The following MYO1E variants were observed in gnomAD, a reference collection of about 807,000 sequenced individuals.
MYO1E encodes the protein unconventional myosin-Ie.
MYO1E carries 68 observed loss-of-function variants against 151.1 expected under a neutral mutation model. The observed-to-expected ratio is 0.45, with a 90% CI of 0.37 to 0.55. The LOEUF is 0.55. MYO1E is among the 20% of genes least tolerant of loss of function. The pLI is 0.00. For missense variants in MYO1E, 1,363 were observed against 1,389.3 expected, an observed-to-expected ratio of 0.98 and a Z score of 0.30; for synonymous variants, 601 against 501.7, an observed-to-expected ratio of 1.20 and a Z score of -2.64.
At chr15:59,212,216 A>G (rs750186758) in intron 12 of MYO1E, among the ~76,000 whole-genome samples, 17 of 152,102 alleles carry the variant, frequency 1.1e-4, no homozygotes, top group Admixed American at 6.5e-4. Flanking sequence ...GAAACTACCA[A>G]ACCAGTTAGG....
intron 8 of MYO1E, 47 bp from the exon 9 acceptor site, chr15:59,223,238 T>TA (rs1474255347): frequency 6.2e-7 from 1 of 1,611,452 alleles, no homozygotes; most frequent in Non-Finnish European, 8.5e-7. Context: ...TCACCAGCTT[T>TA]AAAAGCACCT....
Position 59,372,741 on chromosome 15 carries a change from CA to C in MYO1E, c.-242del. 1.8e-6 allele frequency: 1 copy of C among 563,512 alleles called. No homozygotes were observed. The highest frequency in any genetic ancestry group is 3.2e-5 in the East Asian group (1 of 31,714). The allele number at this position is 563,512 out of a possible 1,614,324, so 34.9% of individuals were successfully genotyped here. On this transcript the variant is annotated 5_prime_UTR_variant, in exon 1 of 28. Transcript: ENST00000288235. ...CAGGCGGGGCGCATGCTGCGGAGGG[CA>C]AGAGTCCACTCGTACTCGCCGGTCG...
chr15:59,190,705 T>C (rs970507615), intron 17 of MYO1E, among the ~76,000 whole-genome samples: 1 of 152,240 alleles, frequency 6.6e-6, no homozygotes, highest in Non-Finnish European at 1.5e-5. Context: ...AATGGTGGCA[T>C]AAATTCTTTA....
intron 26 of MYO1E, among the ~76,000 whole-genome samples, chr15:59,142,342 G>A (rs1465329184): frequency 6.6e-6 from 1 of 152,142 alleles, no homozygotes; most frequent in Non-Finnish European, 1.5e-5. Flanking sequence ...TGGGGGCTTA[G>A]ATACAGGGTC....
At chr15:59,315,049 C>T (rs2054717) in intron 1 of MYO1E, among the ~76,000 whole-genome samples, 114,834 of 152,014 alleles carry the variant, frequency 0.76, 43,693 homozygotes, top group Middle Eastern at 0.8. Context: ...CAAATAAATA[C>T]ATCTCCAGGC....
At chr15:59,209,027 G>T in intron 13 of MYO1E, 179 bp from the exon 14 acceptor site, 1 of 732,034 alleles carries the variant, frequency 1.4e-6, no homozygotes, top group Non-Finnish European at 2.3e-6. Context: ...TCACCACTTA[G>T]ATCTAAAGAG....
chr15:59,290,052 G>A (rs191562831), intron 1 of MYO1E, among the ~76,000 whole-genome samples: 190 of 152,284 alleles, frequency 1.2e-3, no homozygotes, highest in African/African-American at 4.4e-3. Flanking sequence ...GGTGCTTTGC[G>A]TACATTGTTT....
At chr15:59,252,656 A>T (rs1159583033) in intron 4 of MYO1E, among the ~76,000 whole-genome samples, 1 of 149,084 alleles carries the variant, frequency 6.7e-6, no homozygotes, top group Non-Finnish European at 1.5e-5. Flanking sequence ...CGGAGGTTGC[A>T]ATGAGCCAAG....
intron 9 of MYO1E, among the ~76,000 whole-genome samples, chr15:59,220,022 G>T (rs967448429): frequency 6.6e-6 from 1 of 152,236 alleles, no homozygotes; most frequent in Non-Finnish European, 1.5e-5. Flanking sequence ...TCGGGTTGTT[G>T]TGAGAATCAA....
chr15:59,243,213 G>T (rs2080110541), intron 4 of MYO1E, among the ~76,000 whole-genome samples: 1 of 143,106 alleles, frequency 7.0e-6, no homozygotes, highest in South Asian at 2.3e-4. Flanking sequence ...ACCAATTTTT[G>T]TAATTCTAGA....
chr15:59,140,504 A>G (rs2079402670), intron 26 of MYO1E, among the ~76,000 whole-genome samples: 1 of 152,232 alleles, frequency 6.6e-6, no homozygotes, highest in African/African-American at 2.4e-5. Flanking sequence ...TTTCTCCCTC[A>G]AGAAGTTGGG....
chr15:59,217,761 G>T, intron 10 of MYO1E, 130 bp downstream of exon 10: 1 of 1,026,898 alleles, frequency 9.7e-7, no homozygotes, highest in Non-Finnish European at 1.5e-6. Flanking sequence ...CTCCTGGGCT[G>T]CAGTGATCCT....
chr15:59,232,483 A>G (rs1243074599), intron 5 of MYO1E, among the ~76,000 whole-genome samples: 1 of 152,236 alleles, frequency 6.6e-6, no homozygotes, highest in Non-Finnish European at 1.5e-5. Context: ...CCTGGGGGGA[A>G]GGATTTGTTT....
At chr15:59,328,079 T>C (rs2080676379) in intron 1 of MYO1E, among the ~76,000 whole-genome samples, 2 of 152,124 alleles carry the variant, frequency 1.3e-5, no homozygotes, top group Admixed American at 1.3e-4. Context: ...CAAAGCTCCA[T>C]GGTGGGGGGG....
intron 1 of MYO1E, among the ~76,000 whole-genome samples, chr15:59,372,108 G>A (rs1159704413): frequency 1.3e-5 from 2 of 150,724 alleles, no homozygotes; most frequent in South Asian, 2.1e-4. Context: ...GCCGCCAGCG[G>A]CTGCGGCGCG....
In MYO1E at chr15:59,350,079, T is replaced by G. The variant is rs2140434234; in HGVS notation, c.3+22419A>C. Among the ~76,000 whole-genome samples the G allele has an allele frequency of 6.6e-6, 1 of 152,356 alleles. No homozygotes were observed. The highest frequency in any genetic ancestry group is 6.5e-5 in the Admixed American group (1 of 15,304). ...TGGTATCTAAGGCATTTTATAATTT[T>G]CTTATTAATTGTCAATACATCACCA... On this transcript the variant is annotated intron_variant, in intron 1 of 27. Coordinates refer to ENST00000288235, the MANE Select transcript of MYO1E (RefSeq NM_004998.4). This position sits in a 1 kb window ranked among gnomAD's most constrained non-coding sequence, Gnocchi z 5.0.
rs2079357013 is a variant in MYO1E at position 59,133,773 on chromosome 15, C to T, written c.*3607G>A. On this transcript the variant is annotated 3_prime_UTR_variant, in exon 28 of 28. Coordinates refer to ENST00000288235, the MANE Select transcript of MYO1E (RefSeq NM_004998.4). ...CCCTGGAAACCAGAATCCAGCCCTA[C>T]TGCCAGTGAAATCTTAACTGGGACA... 6.6e-6 allele frequency: 1 copy of T among 152,248 alleles called. No homozygotes were observed. The highest frequency in any genetic ancestry group is 1.5e-5 in the Non-Finnish European group (1 of 68,078). 9.4% of individuals were successfully genotyped at this position (152,248 alleles called of 1,614,324 possible).
At chr15:59,282,305 A>C in intron 1 of MYO1E, among the ~76,000 whole-genome samples, 1 of 152,120 alleles carries the variant, frequency 6.6e-6, no homozygotes, top group East Asian at 1.9e-4. Context: ...AGGGCTCCCA[A>C]GCCCCCTGCT....
At chr15:59,158,630 G>C (rs2079521373) in intron 24 of MYO1E, among the ~76,000 whole-genome samples, 5 of 152,136 alleles carry the variant, frequency 3.3e-5, no homozygotes, top group Admixed American at 3.3e-4. Flanking sequence ...TCTTAAAGAA[G>C]GATTGGTCAT....
Sources: gnomAD v4.1 joint callset for allele counts (sites outside exome capture counted in the v4.1 genomes callset) on GRCh38, gnomAD v4.1.1 for gene constraint, Gnocchi (gnomAD v3.1) non-coding constraint, MANE v1.5 for transcripts, NCBI Gene and HGNC (gene_info 2026-07-23, HGNC 2026-07-21) for gene names.